The following LINGO2 variants were observed in gnomAD, a reference collection of about 807,000 sequenced individuals.
LINGO2 encodes leucine-rich repeat and immunoglobulin-like domain-containing nogo receptor-interacting protein 2.
In LINGO2, 14 loss-of-function variants were observed where a neutral mutation model predicts 30.6. The ratio of observed to expected loss-of-function variants is 0.46; its 90% CI spans 0.30 to 0.72. The LOEUF is 0.72. LINGO2 is among the 30% of genes least tolerant of loss of function. LINGO2 has a pLI of 0.07. For missense variants in LINGO2, 729 were observed against 751.7 expected (o/e 0.97, Z 0.35); for synonymous variants, 317 against 288.5 (o/e 1.10, Z -1.00).
intron 4 of LINGO2, among the ~76,000 whole-genome samples, chr9:28,278,997 C>G (rs924310302): frequency 2.0e-5 from 3 of 152,062 alleles, no homozygotes; most frequent in African/African-American, 7.2e-5. Context: ...GAAGCTGATT[C>G]CAGTTCTCAT....
chr9:28,528,717 GATAA>G (rs1388928541), intron 1 of LINGO2, among the ~76,000 whole-genome samples: 3 of 151,880 alleles, frequency 2.0e-5, no homozygotes, highest in Non-Finnish European at 4.4e-5. Context: ...TAAATACTAA[GATAA>G]ATAATGTCAA....
the LINGO2 span, among the ~76,000 whole-genome samples, chr9:29,176,986 A>G: frequency 6.6e-6 from 1 of 152,240 alleles, no homozygotes; most frequent in Non-Finnish European, 1.5e-5. Context: ...TCAGTTGGCC[A>G]AAGTCTACCT....
the LINGO2 span, among the ~76,000 whole-genome samples, chr9:28,766,832 G>A: frequency 1.5e-5 from 1 of 64,790 alleles, no homozygotes; most frequent in East Asian, 2.4e-4. Flanking sequence ...GAGAGAGAAG[G>A]AGAGAAAGAG....
At chr9:28,277,316 A>G (rs944161562) in intron 4 of LINGO2, among the ~76,000 whole-genome samples, 1 of 152,154 alleles carries the variant, frequency 6.6e-6, no homozygotes, top group Non-Finnish European at 1.5e-5. Flanking sequence ...CCCACATAGG[A>G]GGCAAACTTA....
the LINGO2 span, among the ~76,000 whole-genome samples, chr9:29,070,569 G>T: frequency 6.6e-6 from 1 of 152,044 alleles, no homozygotes; most frequent in South Asian, 2.1e-4. Flanking sequence ...GAAAGGCTGT[G>T]GTGGAAAGTG....
intron 2 of LINGO2, among the ~76,000 whole-genome samples, chr9:28,460,971 G>C (rs945891510): frequency 6.6e-6 from 1 of 152,018 alleles, no homozygotes; most frequent in Non-Finnish European, 1.5e-5. Flanking sequence ...TACAATCTCC[G>C]CAGTGTAGAA....
At chr9:28,451,865 C>T (rs16923860) in intron 2 of LINGO2, among the ~76,000 whole-genome samples, 3,207 of 151,480 alleles carry the variant, frequency 0.021, 109 homozygotes, top group African/African-American at 0.072. Flanking sequence ...TGAATATGTG[C>T]ATAATAATGA....
At chr9:29,058,190 C>G in the LINGO2 span, among the ~76,000 whole-genome samples, 22,654 of 151,700 alleles carry the variant, frequency 0.15, 2,070 homozygotes, top group South Asian at 0.21. Flanking sequence ...TTTAATATAC[C>G]TAAATATGTA....
the LINGO2 span, chr9:28,863,621 A>G: frequency 2.0e-6 from 1 of 511,942 alleles, no homozygotes; most frequent in Non-Finnish European, 4.0e-6. Context: ...CTGCAGAAGC[A>G]CCTGTGAAGC....
chr9:28,107,551 C>A (rs866649848), intron 4 of LINGO2, among the ~76,000 whole-genome samples: 1 of 152,110 alleles, frequency 6.6e-6, no homozygotes, highest in Non-Finnish European at 1.5e-5. Flanking sequence ...CACTCCATTT[C>A]ATCTATTTGT....
chr9:28,924,169 T>A, the LINGO2 span, among the ~76,000 whole-genome samples: 1 of 151,796 alleles, frequency 6.6e-6, no homozygotes, highest in Non-Finnish European at 1.5e-5. Context: ...TTTCCCAAAC[T>A]TTTTTTTTGC....
rs548630010 is a variant in LINGO2 at position 28,551,755 on chromosome 9, T to C, written c.-364-75730A>G. ...GAAGGGATGATTTAGACACTGTATA[T>C]TGACATTCTATTTTGGAAGATACAA... On this transcript the variant is annotated intron_variant, in intron 1 of 5. Transcript: ENST00000379992. 5.9e-5 allele frequency among the ~76,000 whole-genome samples: 9 copies of C among 152,206 alleles called. No homozygotes were observed. In the East Asian group the frequency reaches 1.7e-3, roughly 29 times the overall value.
At chr9:28,759,509 C>A in the LINGO2 span, among the ~76,000 whole-genome samples, 1 of 151,602 alleles carries the variant, frequency 6.6e-6, no homozygotes, top group Admixed American at 6.6e-5. Context: ...GGTGAAACCC[C>A]ATCTCTACTA....
the LINGO2 span, among the ~76,000 whole-genome samples, chr9:29,181,374 G>C: frequency 5.9e-5 from 9 of 151,994 alleles, no homozygotes; most frequent in African/African-American, 2.2e-4. Flanking sequence ...TGCTTAAGTT[G>C]ACTCCATCAC....
At chr9:29,007,508 G>A in the LINGO2 span, among the ~76,000 whole-genome samples, 1 of 152,060 alleles carries the variant, frequency 6.6e-6, no homozygotes, top group African/African-American at 2.4e-5. Flanking sequence ...CTCAGACCTT[G>A]CAGTGTACTC....
At chr9:29,188,048 CT>C in the LINGO2 span, among the ~76,000 whole-genome samples, 1 of 42,764 alleles carries the variant, frequency 2.3e-5, no homozygotes, top group Non-Finnish European at 4.5e-5. Context: ...ATTGATCATT[CT>C]TGGGTGTTTC....
chr9:28,511,802 G>C (rs1042390676), intron 1 of LINGO2, among the ~76,000 whole-genome samples: 1 of 152,174 alleles, frequency 6.6e-6, no homozygotes, highest in African/African-American at 2.4e-5. Flanking sequence ...CATGCAAAGT[G>C]CACAGCCAGA....
chr9:28,949,480 A>T, the LINGO2 span, among the ~76,000 whole-genome samples: 1 of 152,198 alleles, frequency 6.6e-6, no homozygotes, highest in Non-Finnish European at 1.5e-5. Flanking sequence ...TACTGTAAAC[A>T]CATCTACACA....
At chr9:28,408,577 A>T (rs1038553010) in intron 2 of LINGO2, among the ~76,000 whole-genome samples, 2 of 146,140 alleles carry the variant, frequency 1.4e-5, no homozygotes, top group African/African-American at 5.0e-5. Flanking sequence ...CAATGAGAAC[A>T]CATGGACACA....
Sources: allele counts gnomAD v4.1 joint callset (sites outside exome capture counted in the v4.1 genomes callset), GRCh38; gene constraint gnomAD v4.1.1; transcripts MANE v1.5; gene names NCBI Gene and HGNC (gene_info 2026-07-23, HGNC 2026-07-21).